The following ZNF423 variants were observed in gnomAD, a reference collection of about 807,000 sequenced individuals.
The protein encoded by ZNF423 is Ebf-associated zinc finger protein.
ZNF423 carries 12 observed loss-of-function variants against 95.8 expected under a neutral mutation model. The observed-to-expected ratio is 0.13, with a 90% confidence interval of 0.08 to 0.20. ZNF423 has a LOEUF of 0.20. Among genes scored for constraint, ZNF423 ranks in the 10% least tolerant of loss-of-function variants. The probability of loss-of-function intolerance (pLI) is 1.00; values close to 1 mark genes in which losing one functional copy is unlikely to be tolerated. For missense variants in ZNF423, 1,316 were observed against 1,737.1 expected (o/e 0.76, Z 4.31); for synonymous variants, 749 against 711.9 (o/e 1.05, Z -0.83).
chr16:49,755,335 C>T (rs1596971782), intron 2 of ZNF423, among the ~76,000 whole-genome samples: 1 of 152,196 alleles, frequency 6.6e-6, no homozygotes, highest in Admixed American at 6.5e-5. Flanking sequence ...CCCGCTTTCC[C>T]GTTTCTGTAA....
intron 3 of ZNF423, among the ~76,000 whole-genome samples, chr16:49,689,295 A>T (rs1247066777): frequency 7.5e-6 from 1 of 133,394 alleles, no homozygotes; most frequent in Non-Finnish European, 1.6e-5. Flanking sequence ...AAAAAAAAAG[A>T]TGGGTGAGGA....
At chr16:49,649,098 C>T (rs1311256305) in intron 3 of ZNF423, among the ~76,000 whole-genome samples, 68 of 152,250 alleles carry the variant, frequency 4.5e-4, no homozygotes, top group Non-Finnish European at 7.4e-5. Context: ...ACACCCAAAA[C>T]TTCACAAGCA....
chr16:49,638,541 G>A lies in ZNF423; in HGVS notation c.635C>T (p.Ser212Phe), dbSNP rs1363992121. The change falls in exon 4 of 8, where the codon TCC becomes TTC. Residue 212 changes from serine to phenylalanine, a missense_variant. Transcript: ENST00000563137. This position sits in a 1 kb window ranked among gnomAD's most constrained non-coding sequence, Gnocchi z 5.6. Reference sequence around the variant, plus strand: ...GTGGATCTTGAGGTGGTCGCTGCGGGAGAAGGCTGCCTCGCACTCGTGGCA... The same window carrying A: ...GTGGATCTTGAGGTGGTCGCTGCGGAAGAAGGCTGCCTCGCACTCGTGGCA... ...YHCHECEAAF[S>F]RSDHLKIHLK... The A allele has an allele frequency of 6.2e-7, 1 of 1,613,762 alleles. No individual in the cohort carries two copies. Among genetic ancestry groups the A allele is most frequent in the Non-Finnish European group, 8.5e-7 (1 of 1,180,016 alleles).
At chr16:49,854,582 C>T (rs566561824) in intron 1 of ZNF423, 10 of 985,452 alleles carry the variant, frequency 1.0e-5, no homozygotes, top group Non-Finnish European at 1.2e-5. Flanking sequence ...TAGCCGCTCT[C>T]ATCGTTCCCC....
rs374861732 is a variant in ZNF423 at position 49,586,649 on chromosome 16, G to A, written c.3601+39521C>T. 1.3e-4 allele frequency among the ~76,000 whole-genome samples: 20 copies of A among 152,370 alleles called. No homozygotes were observed. The East Asian group carries it at 3.7e-3, about 28-fold the overall frequency. On this transcript the variant is annotated intron_variant, in intron 5 of 7. Transcript: ENST00000563137. ...GCGACCAGCTGTCTGCGAATGTGGC[G>A]TGTGGATCACAGCTCAGAGCCAGGG... is the stretch of plus-strand genomic sequence containing the variant.
intron 1 of ZNF423, among the ~76,000 whole-genome samples, chr16:49,809,222 G>A (rs561769043): frequency 1.3e-5 from 2 of 152,320 alleles, no homozygotes; most frequent in South Asian, 2.1e-4. Flanking sequence ...AAAACATAGC[G>A]GCCCACACAT....
chr16:49,842,774 G>C (rs1161611399), intron 1 of ZNF423, among the ~76,000 whole-genome samples: 4 of 152,114 alleles, frequency 2.6e-5, no homozygotes, highest in Non-Finnish European at 5.9e-5. Flanking sequence ...AAGAGATTGA[G>C]ACCATCCTGG....
chr16:49,587,915 C>T (rs1275908977), intron 5 of ZNF423, among the ~76,000 whole-genome samples: 1 of 152,148 alleles, frequency 6.6e-6, no homozygotes, highest in East Asian at 1.9e-4. Flanking sequence ...CTGACCACCC[C>T]CTATCTTCAC....
intron 3 of ZNF423, among the ~76,000 whole-genome samples, chr16:49,642,801 CTTT>C (rs55662710): frequency 0.019 from 1,764 of 91,400 alleles, 17 homozygotes; most frequent in African/African-American, 0.046. Context: ...GTTCTCTTTT[CTTT>C]TTTTTTTTTT....
intron 7 of ZNF423, among the ~76,000 whole-genome samples, chr16:49,513,352 C>T (rs966230884): frequency 1.3e-5 from 2 of 152,170 alleles, no homozygotes; most frequent in South Asian, 2.1e-4. Flanking sequence ...AGGAAGATGC[C>T]GCTACTCACA....
intron 3 of ZNF423, among the ~76,000 whole-genome samples, chr16:49,653,713 T>C (rs1973500211): frequency 6.6e-6 from 1 of 152,202 alleles, no homozygotes. Flanking sequence ...TTTGGAGGCT[T>C]GTACTGCCAC....
chr16:49,621,924 T>A (rs1357920992), intron 5 of ZNF423, among the ~76,000 whole-genome samples: 3 of 152,198 alleles, frequency 2.0e-5, no homozygotes, highest in Admixed American at 6.5e-5. Flanking sequence ...CCACACCAGG[T>A]GGGTCTTCGT....
At chr16:49,743,743 G>A (rs373020622) in intron 2 of ZNF423, among the ~76,000 whole-genome samples, 3 of 151,926 alleles carry the variant, frequency 2.0e-5, no homozygotes, top group South Asian at 2.1e-4. Flanking sequence ...TCCTACCAAC[G>A]AGCCTCCAGG....
chr16:49,553,729 T>C (rs1969724797), intron 5 of ZNF423, among the ~76,000 whole-genome samples: 1 of 152,186 alleles, frequency 6.6e-6, no homozygotes, highest in Admixed American at 6.5e-5. Flanking sequence ...TATATGTATT[T>C]CTTAATAACA....
At chr16:49,583,521 T>A (rs1218012544) in intron 5 of ZNF423, among the ~76,000 whole-genome samples, 3 of 152,228 alleles carry the variant, frequency 2.0e-5, no homozygotes, top group Non-Finnish European at 4.4e-5. Context: ...AATGACATAA[T>A]TTTCTTTACA....
Position 49,603,653 on chromosome 16 carries a change from G to A in ZNF423, c.3601+22517C>T, listed in dbSNP as rs1596703870. 1.3e-5 allele frequency among the ~76,000 whole-genome samples: 2 copies of A among 152,190 alleles called. No homozygotes were observed. The highest frequency in any genetic ancestry group is 4.8e-5 in the African/African-American group (2 of 41,536). On this transcript the variant is annotated intron_variant, in intron 5 of 7. Transcript: ENST00000563137. This position sits in a 1 kb window ranked among gnomAD's most constrained non-coding sequence, Gnocchi z 4.1. Reference sequence around the variant, plus strand: ...TCGAACTCCTGATCTCAGGTGATCCGCCCACCTCGGCCTCCCAAAGTCCTG... The same window carrying A: ...TCGAACTCCTGATCTCAGGTGATCCACCCACCTCGGCCTCCCAAAGTCCTG...
chr16:49,587,943 C>G (rs1970893730), intron 5 of ZNF423, among the ~76,000 whole-genome samples: 1 of 152,194 alleles, frequency 6.6e-6, no homozygotes, highest in South Asian at 2.1e-4. Context: ...TTCCCACGCA[C>G]ACATAACCAG....
chr16:49,500,743 C>A (rs1053903085), intron 7 of ZNF423, among the ~76,000 whole-genome samples: 20 of 143,288 alleles, frequency 1.4e-4, no homozygotes, highest in African/African-American at 4.9e-4. Flanking sequence ...CCCATCTCTA[C>A]GAAAAAAAAA....
At chr16:49,663,277 G>A (rs1167421245) in intron 3 of ZNF423, among the ~76,000 whole-genome samples, 1 of 152,182 alleles carries the variant, frequency 6.6e-6, no homozygotes, top group Non-Finnish European at 1.5e-5. Flanking sequence ...CAGAACCTAA[G>A]TTTGCCATCT....
Sources: gnomAD v4.1 joint callset for allele counts (sites outside exome capture counted in the v4.1 genomes callset) on GRCh38, gnomAD v4.1.1 for gene constraint, Gnocchi (gnomAD v3.1) non-coding constraint, MANE v1.5 for transcripts, NCBI Gene and HGNC (gene_info 2026-07-23, HGNC 2026-07-21) for gene names.